Variants in CTNNBL1 observed in about 807,000 individuals in gnomAD.
CTNNBL1 encodes catenin beta like 1.
Under a neutral mutation model 72.7 loss-of-function variants are expected in CTNNBL1, and 31 were observed. The observed-to-expected ratio is 0.43, with a 90% CI of 0.32 to 0.58. The LOEUF (loss-of-function observed/expected upper bound fraction) is 0.58. Among genes scored for constraint, CTNNBL1 ranks in the 20% least tolerant of loss-of-function variants. CTNNBL1 has a pLI of 0.08. For missense variants in CTNNBL1, 534 were observed against 725.1 expected, an observed-to-expected ratio of 0.74 and a Z score of 3.03; for synonymous variants, 240 against 267.3, an observed-to-expected ratio of 0.90 and a Z score of 1.00.
chr20:37,795,825 T>C (rs1489120301), intron 10 of CTNNBL1, among the ~76,000 whole-genome samples: 1 of 152,118 alleles, frequency 6.6e-6, no homozygotes, highest in East Asian at 1.9e-4. Flanking sequence ...TCTCTGTGGG[T>C]CACATGTTCC....
rs185924204 is a variant in CTNNBL1 at position 37,866,145 on chromosome 20, C to A, written c.1604-5780C>A. On this transcript the variant is annotated intron_variant, in intron 15 of 15. Coordinates refer to ENST00000361383, the MANE Select transcript of CTNNBL1 (RefSeq NM_030877.5). ...ATGGAGAGAGGCCTGTATGTTAGCC[C>A]TGTAGCCAGCGGCCTTGACAAGGCT... Among the ~76,000 whole-genome samples, 5 of 152,354 alleles carry A rather than the reference C, an allele frequency of 3.3e-5. No homozygotes were observed. In the East Asian group the frequency reaches 9.6e-4, roughly 29 times the overall value.
intron 1 of CTNNBL1, among the ~76,000 whole-genome samples, chr20:37,731,482 G>A (rs558042404): frequency 1.3e-5 from 2 of 152,168 alleles, no homozygotes; most frequent in Admixed American, 6.5e-5. Flanking sequence ...TGATCTGCCC[G>A]CCTCAGCCTC....
At chr20:37,706,195 G>C (rs141795118) in intron 1 of CTNNBL1, among the ~76,000 whole-genome samples, 7 of 152,216 alleles carry the variant, frequency 4.6e-5, no homozygotes, top group African/African-American at 1.2e-4. Context: ...TGACTGATTA[G>C]GGTGGTGTTT....
intron 11 of CTNNBL1, among the ~76,000 whole-genome samples, chr20:37,838,085 T>TA (rs773913327): frequency 1.3e-5 from 2 of 152,164 alleles, no homozygotes; most frequent in Non-Finnish European, 2.9e-5. Flanking sequence ...ATTTAAAGAG[T>TA]AAGTCATGCA....
intron 4 of CTNNBL1, among the ~76,000 whole-genome samples, chr20:37,755,734 G>T (rs74539842): frequency 0.021 from 3,224 of 152,180 alleles, 72 homozygotes; most frequent in Non-Finnish European, 0.03. Context: ...TCTTTTAAGT[G>T]AAACTGCCCT....
chr20:37,806,369 G>C (rs1568789556), intron 11 of CTNNBL1, among the ~76,000 whole-genome samples: 1 of 152,218 alleles, frequency 6.6e-6, no homozygotes, highest in Non-Finnish European at 1.5e-5. Context: ...GTCCACAAGA[G>C]CACCAGGATG....
At chr20:37,806,433 A>G (rs2071960943) in intron 11 of CTNNBL1, among the ~76,000 whole-genome samples, 3 of 152,252 alleles carry the variant, frequency 2.0e-5, no homozygotes, top group Non-Finnish European at 4.4e-5. Flanking sequence ...TAAACTAGAA[A>G]GAGACAGTCT....
At chr20:37,767,544 G>A (rs1358434914) in intron 6 of CTNNBL1, among the ~76,000 whole-genome samples, 4 of 152,158 alleles carry the variant, frequency 2.6e-5, no homozygotes, top group African/African-American at 4.8e-5. Context: ...GAAAGGAAGC[G>A]ACTCTTGAGT....
chr20:37,768,149 T>G, intron 7 of CTNNBL1, 105 bp downstream of exon 7: 1 of 895,048 alleles, frequency 1.1e-6, no homozygotes, highest in South Asian at 1.7e-5. Flanking sequence ...TATGATCTAG[T>G]TTGGGAAGCT....
At chr20:37,767,229 C>T (rs746613211) in intron 6 of CTNNBL1, among the ~76,000 whole-genome samples, 21 of 151,918 alleles carry the variant, frequency 1.4e-4, no homozygotes, top group Non-Finnish European at 2.6e-4. Context: ...GAAATGAAAC[C>T]ATTTGATATT....
chr20:37,834,405 T>C (rs968403893), intron 11 of CTNNBL1, among the ~76,000 whole-genome samples: 1 of 152,260 alleles, frequency 6.6e-6, no homozygotes, highest in African/African-American at 2.4e-5. Flanking sequence ...TGGAAATTGC[T>C]TCCGCAAAGA....
At position 37,859,882 on chromosome 20, in the gene CTNNBL1, C is replaced by T. The variant is rs371656310; in HGVS notation, c.1393-17C>T. ...TCACTGTCCAGCTTTTATTCCTAAA[C>T]GTTCATTTGTTTCTAGGACATGGTC... On this transcript the variant is annotated splice_polypyrimidine_tract_variant and intron_variant, in intron 13 of 15. Transcript: ENST00000361383. The T allele has an allele frequency of 3.5e-5, 56 of 1,612,422 alleles. No homozygotes were observed. Among genetic ancestry groups the T allele is most frequent in the Non-Finnish European group, 4.4e-5 (52 of 1,179,092 alleles).
intron 10 of CTNNBL1, among the ~76,000 whole-genome samples, chr20:37,799,109 G>A (rs562631879): frequency 6.6e-6 from 1 of 152,166 alleles, no homozygotes; most frequent in Non-Finnish European, 1.5e-5. Flanking sequence ...TCATACCATT[G>A]CTGTAGTCAG....
chr20:37,850,867 T>G (rs1234592357), intron 13 of CTNNBL1, among the ~76,000 whole-genome samples: 1 of 152,228 alleles, frequency 6.6e-6, no homozygotes, highest in African/African-American at 2.4e-5. Context: ...GAGGTTCATG[T>G]TGGCTTCATA....
chr20:37,852,540 A>G (rs929998448), intron 13 of CTNNBL1, among the ~76,000 whole-genome samples: 1 of 152,228 alleles, frequency 6.6e-6, no homozygotes, highest in African/African-American at 2.4e-5. Flanking sequence ...ATCAGCCAAC[A>G]TCCTGAATCC....
chr20:37,732,917 G>A lies in CTNNBL1; in HGVS notation c.69G>A (p.Glu23=). 3.7e-6 allele frequency: 6 copies of A among 1,614,020 alleles called. No individual in the cohort carries two copies. The highest frequency in any genetic ancestry group is 3.4e-6 in the Non-Finnish European group (4 of 1,180,022). ...RGTKRPRDDE[E]EEQKMRRKQT... ...CAAAACGTCCCCGGGATGATGAAGA[G>A]GAGGAGCAGAAGATGCGTCGGAAAC... The change falls in exon 2 of 16, where the codon GAG becomes GAA. Residue 23 remains glutamate, a synonymous_variant. Coordinates refer to ENST00000361383, the MANE Select transcript of CTNNBL1 (RefSeq NM_030877.5).
chr20:37,711,986 C>T (rs1447342603), intron 1 of CTNNBL1, among the ~76,000 whole-genome samples: 1 of 152,142 alleles, frequency 6.6e-6, no homozygotes, highest in African/African-American at 2.4e-5. Flanking sequence ...ATTTGGTTTA[C>T]GTTTTAAAAG....
intron 10 of CTNNBL1, among the ~76,000 whole-genome samples, chr20:37,786,074 T>C (rs1023058317): frequency 6.6e-6 from 1 of 152,244 alleles, no homozygotes; most frequent in Non-Finnish European, 1.5e-5. Context: ...GCAGAAACTC[T>C]TGTTCTCTTC....
chr20:37,748,519 A>G (rs2122628670), intron 4 of CTNNBL1, among the ~76,000 whole-genome samples: 1 of 152,364 alleles, frequency 6.6e-6, no homozygotes, highest in African/African-American at 2.4e-5. Context: ...CTTAGGAACC[A>G]TAAGCTGTGC....
Sources: gnomAD v4.1 joint callset for allele counts (sites outside exome capture counted in the v4.1 genomes callset) on GRCh38, gnomAD v4.1.1 for gene constraint, MANE v1.5 for transcripts, NCBI Gene and HGNC (gene_info 2026-07-23, HGNC 2026-07-21) for gene names.